CAST: variants seen among roughly 807,000 people sequenced by gnomAD.
CAST encodes the protein MIR583 host.
CAST carries 76 observed loss-of-function variants against 119.6 expected under a neutral mutation model. The observed-to-expected ratio is 0.64, with a 90% confidence interval of 0.53 to 0.77. The LOEUF is 0.77. CAST is among the 30% of genes least tolerant of loss of function. The pLI, the probability that CAST is intolerant of heterozygous loss-of-function variation, is 0.00. For missense variants in CAST, 953 were observed against 946.5 expected (o/e 1.01, Z -0.09); for synonymous variants, 319 against 331.6 (o/e 0.96, Z 0.41).
intron 29 of CAST, chr5:96,769,735 C>T (rs902751291): frequency 6.6e-6 from 1 of 151,656 alleles, no homozygotes; most frequent in Non-Finnish European, 1.5e-5. Flanking sequence ...ATCTCTGTTT[C>T]CTCCTCCTGT....
the CAST span, among the ~76,000 whole-genome samples, chr5:96,434,607 G>GTT: frequency 4.9e-4 from 72 of 147,388 alleles, no homozygotes; most frequent in Middle Eastern, 3.5e-3. Context: ...TGGGAAGTTT[G>GTT]TTTTTTTTTT....
chr5:96,073,958 T>G, the CAST span, among the ~76,000 whole-genome samples: 10 of 152,198 alleles, frequency 6.6e-5, no homozygotes, highest in Non-Finnish European at 1.5e-4. Flanking sequence ...CTCCCACCCC[T>G]GCCCCCATTC....
chr5:96,038,435 A>G, the CAST span, among the ~76,000 whole-genome samples: 1 of 151,986 alleles, frequency 6.6e-6, no homozygotes, highest in African/African-American at 2.4e-5. Context: ...GTTTTGTTAC[A>G]TAGGTATACA....
the CAST span, among the ~76,000 whole-genome samples, chr5:96,489,614 T>C: frequency 4.5e-4 from 68 of 152,332 alleles, no homozygotes; most frequent in African/African-American, 1.5e-3. Flanking sequence ...TATGTAGGAC[T>C]CAATTTGCAT....
At chr5:96,251,031 G>A in the CAST span, among the ~76,000 whole-genome samples, 2 of 152,158 alleles carry the variant, frequency 1.3e-5, no homozygotes, top group Non-Finnish European at 2.9e-5. Context: ...GTACAGAAAA[G>A]GTACAGAGAA....
the CAST span, among the ~76,000 whole-genome samples, chr5:96,038,293 C>G: frequency 8.5e-3 from 1,301 of 152,172 alleles, 24 homozygotes; most frequent in African/African-American, 0.03. Flanking sequence ...TGAGAATAGA[C>G]AAACATCCCT....
chr5:96,463,473 C>A, the CAST span, among the ~76,000 whole-genome samples: 1 of 152,062 alleles, frequency 6.6e-6, no homozygotes, highest in South Asian at 2.1e-4. Flanking sequence ...CAGGTCCTTC[C>A]TGGTTTTCCA....
intron 1 of CAST, among the ~76,000 whole-genome samples, chr5:96,578,934 C>A (rs1746722174): frequency 6.6e-6 from 1 of 152,088 alleles, no homozygotes; most frequent in African/African-American, 2.4e-5. Context: ...AGAGCTTTGG[C>A]CTGTTATTTG....
the CAST span, chr5:96,397,321 C>G: frequency 1.2e-6 from 2 of 1,610,922 alleles, no homozygotes; most frequent in Non-Finnish European, 8.5e-7. Context: ...TTTTCATCCT[C>G]TCATTCACAC....
intron 1 of CAST, among the ~76,000 whole-genome samples, chr5:96,560,785 T>A (rs1296594925): frequency 3.3e-5 from 5 of 152,140 alleles, no homozygotes; most frequent in Non-Finnish European, 5.9e-5. Flanking sequence ...ATTGTGGAAG[T>A]CAGTGTGGCG....
At chr5:96,022,245 G>A in the CAST span, among the ~76,000 whole-genome samples, 14 of 152,044 alleles carry the variant, frequency 9.2e-5, no homozygotes, top group Admixed American at 3.9e-4. Flanking sequence ...ATACCTAAAC[G>A]CTGTTTAAAC....
the CAST span, among the ~76,000 whole-genome samples, chr5:96,197,364 G>A: frequency 6.6e-6 from 1 of 152,144 alleles, no homozygotes; most frequent in Non-Finnish European, 1.5e-5. Flanking sequence ...ACACGCAGAT[G>A]TCAGTTTTCA....
At chr5:96,530,913 C>T (rs1406908777) in intron 1 of CAST, among the ~76,000 whole-genome samples, 1 of 152,160 alleles carries the variant, frequency 6.6e-6, no homozygotes, top group Non-Finnish European at 1.5e-5. Context: ...CCACCTCAGC[C>T]TCCCTAGTAG....
the CAST span, among the ~76,000 whole-genome samples, chr5:96,221,258 C>T: frequency 6.6e-6 from 1 of 151,958 alleles, no homozygotes; most frequent in Admixed American, 6.6e-5. Context: ...TACTGGAAGT[C>T]CTAGCCAGAG....
At chr5:96,715,587 T>C (rs1757052179) in intron 3 of CAST, among the ~76,000 whole-genome samples, 1 of 152,200 alleles carries the variant, frequency 6.6e-6, no homozygotes, top group African/African-American at 2.4e-5. Context: ...TTTATGAAGA[T>C]ATATTGAAAT....
At chr5:96,313,768 C>G in the CAST span, among the ~76,000 whole-genome samples, 1,408 of 152,278 alleles carry the variant, frequency 9.2e-3, 26 homozygotes, top group African/African-American at 0.033. Context: ...TTCTCTTCAG[C>G]ATTTGGCACT....
chr5:96,401,011 TGGGAGGCGGA>T, the CAST span, among the ~76,000 whole-genome samples: 1 of 128,770 alleles, frequency 7.8e-6, no homozygotes, highest in Non-Finnish European at 1.5e-5. Flanking sequence ...GGCGTGAACC[TGGGAGGCGGA>T]GCTTGCAGTG....
intron 1 of CAST, among the ~76,000 whole-genome samples, chr5:96,602,965 A>G (rs1747182019): frequency 6.6e-6 from 1 of 152,232 alleles, no homozygotes; most frequent in Non-Finnish European, 1.5e-5. Flanking sequence ...CTCTGTGTTC[A>G]AGGACCAGGA....
At chr5:96,287,259 A>G in the CAST span, among the ~76,000 whole-genome samples, 1 of 151,816 alleles carries the variant, frequency 6.6e-6, no homozygotes, top group Non-Finnish European at 1.5e-5. Flanking sequence ...CTTTCCTTCC[A>G]CTGTCTTGAC....
Sources: allele counts gnomAD v4.1 joint callset (sites outside exome capture counted in the v4.1 genomes callset), GRCh38; gene constraint gnomAD v4.1.1; transcripts MANE v1.5; gene names NCBI Gene and HGNC (gene_info 2026-07-23, HGNC 2026-07-21).